SYTL2: variants seen among roughly 807,000 people sequenced by gnomAD.
SYTL2 encodes synaptotagmin-like protein 2.
Under a neutral mutation model 198.7 loss-of-function variants are expected in SYTL2, and 165 were observed. The observed-to-expected ratio is 0.83, with a 90% CI of 0.73 to 0.94. The LOEUF (loss-of-function observed/expected upper bound fraction) is 0.94. Ranked by LOEUF, SYTL2 falls within the 40% of genes least tolerant of loss-of-function variation. The probability of loss-of-function intolerance (pLI) is 0.00; values close to 1 mark genes in which losing one functional copy is unlikely to be tolerated. For synonymous variants in SYTL2, 966 were observed against 917.7 expected, an observed-to-expected ratio of 1.05 and a Z score of -0.95; for missense variants, 2,835 against 2,582.8, an observed-to-expected ratio of 1.10 and a Z score of -2.12.
intron 18 of SYTL2, among the ~76,000 whole-genome samples, chr11:85,697,109 G>A (rs1468127726): frequency 6.6e-6 from 1 of 152,018 alleles, no homozygotes; most frequent in Non-Finnish European, 1.5e-5. Flanking sequence ...AGGCTGACTT[G>A]AGCCAAAAAA....
chr11:85,726,792 G>C lies in SYTL2; in HGVS notation c.2566C>G (p.Arg856Gly). ...QSEYNQAIPK[R>G]VVLDEDDQAS... is the part of the protein sequence containing the mutation. Reference sequence around the variant, plus strand: ...TGATCATCCTCATCTAAGACCACTCGTTTGGGAATGGCCTGATTATATTCA... The same window carrying C: ...TGATCATCCTCATCTAAGACCACTCCTTTGGGAATGGCCTGATTATATTCA... The change falls in exon 8 of 20, where the codon CGA becomes GGA. Residue 856 changes from arginine (R) to glycine (G), a missense_variant. Physicochemically the swap from Arg to Gly is moderately radical, Grantham distance 125. This residue lies in a region of SYTL2 where 2,645 missense variants were observed against 2,381.7 expected (regional missense o/e 1.11). Transcript: ENST00000359152. 1 of 1,536,150 alleles carries C rather than the reference G, an allele frequency of 6.5e-7. No individual in the cohort carries two copies. Among genetic ancestry groups the C allele is most frequent in the Non-Finnish European group, 8.7e-7 (1 of 1,146,860 alleles).
intron 1 of SYTL2, among the ~76,000 whole-genome samples, chr11:85,794,084 G>A (rs1170909393): frequency 6.6e-6 from 1 of 152,084 alleles, no homozygotes; most frequent in Non-Finnish European, 1.5e-5. Flanking sequence ...TGCCCAGGCT[G>A]GTCTTGAACT....
chr11:85,734,324 G>T lies in SYTL2; in HGVS notation c.1005C>A (p.Phe335Leu). ...GTGGAAGCTCATCCTTCACTGCAGAGAATCTCACATGCTTTAATGGCTCCA... is the reference window on the plus strand; with the variant it reads ...GTGGAAGCTCATCCTTCACTGCAGATAATCTCACATGCTTTAATGGCTCCA... Reference protein sequence around the residue: ...NSLEPLKHVRFSAVKDELPQS... With the variant: ...NSLEPLKHVRLSAVKDELPQS... The change falls in exon 7 of 20, where the codon TTC (phenylalanine) becomes TTA (leucine). Residue 335 changes from phenylalanine to leucine, a missense_variant. Phe to Leu is a conservative substitution (Grantham distance 22). Around this residue, in one of 3 missense-constraint regions of SYTL2, gnomAD observed 2,645 missense variants for 2,381.7 expected, o/e 1.11. Coordinates refer to ENST00000359152, the MANE Select transcript of SYTL2 (RefSeq NM_206927.4). 6.2e-7 allele frequency: 1 copy of T among 1,614,214 alleles called. No individual in the cohort carries two copies. The highest frequency in any genetic ancestry group is 8.5e-7 in the Non-Finnish European group (1 of 1,180,028).
chr11:85,845,192 T>G, the SYTL2 span, among the ~76,000 whole-genome samples: 2 of 152,188 alleles, frequency 1.3e-5, no homozygotes, highest in Non-Finnish European at 1.5e-5. Flanking sequence ...ACCCCTTTTC[T>G]GGAAAGTATC....
chr11:85,852,721 C>T, the SYTL2 span: 1 of 235,758 alleles, frequency 4.2e-6, no homozygotes, highest in Non-Finnish European at 8.3e-6. Context: ...TCACGGCTAG[C>T]TATAACCTCC....
chr11:85,696,156 G>A lies in SYTL2; in HGVS notation c.6574+27C>T, dbSNP rs746751441. 8 of 1,607,676 alleles carry A rather than the reference G, an allele frequency of 5.0e-6. No homozygotes were observed. In the Middle Eastern group the frequency reaches 6.6e-4, roughly 133 times the overall value. On this transcript the variant is annotated intron_variant, in intron 19 of 19. Transcript: ENST00000359152. ...TATCTCTAGAAAAATTTGGCTCATGGAGAATTAAAAATGTAGCAAACAGTA... is the reference window on the plus strand; with the variant it reads ...TATCTCTAGAAAAATTTGGCTCATGAAGAATTAAAAATGTAGCAAACAGTA...
At chr11:85,854,722 C>T in the SYTL2 span, 1 of 152,364 alleles carries the variant, frequency 6.6e-6, no homozygotes. Flanking sequence ...GTCCCCGTCC[C>T]CCGAACTGTG....
the SYTL2 span, among the ~76,000 whole-genome samples, chr11:85,818,885 A>T: frequency 6.6e-6 from 1 of 152,086 alleles, no homozygotes; most frequent in Non-Finnish European, 1.5e-5. Context: ...AAGATACTGA[A>T]TTTGAAGTCA....
chr11:85,700,321 CT>C (rs10607209), intron 17 of SYTL2, among the ~76,000 whole-genome samples, 193 bp downstream of exon 17: 86,921 of 137,714 alleles, frequency 0.63, 26,520 homozygotes, highest in Middle Eastern at 0.71. Flanking sequence ...TTTATGTTTT[CT>C]TTTTTTTTTT....
the SYTL2 span, chr11:85,853,959 C>T: frequency 4.6e-5 from 7 of 152,178 alleles, no homozygotes; most frequent in African/African-American, 1.4e-4. Context: ...ATTCTTCGGC[C>T]TCCACCTCCG....
intron 1 of SYTL2, among the ~76,000 whole-genome samples, chr11:85,807,905 A>C (rs1203780971): frequency 3.9e-5 from 6 of 152,276 alleles, no homozygotes; most frequent in Middle Eastern, 3.4e-3. Flanking sequence ...TGTCAAAAAC[A>C]ATCTGAGATG....
chr11:85,832,303 A>T, the SYTL2 span, among the ~76,000 whole-genome samples: 1 of 152,248 alleles, frequency 6.6e-6, no homozygotes, highest in Admixed American at 6.5e-5. Flanking sequence ...CAAGACTTTG[A>T]GACATTAAAT....
chr11:85,719,415 A>G (rs1591710501), intron 9 of SYTL2: 2 of 798,026 alleles, frequency 2.5e-6, no homozygotes, highest in African/African-American at 3.7e-5. Context: ...TTTTAACCCT[A>G]TACATTCCTG....
At chr11:85,829,467 G>T in the SYTL2 span, among the ~76,000 whole-genome samples, 2 of 152,142 alleles carry the variant, frequency 1.3e-5, no homozygotes, top group African/African-American at 4.8e-5. Flanking sequence ...GGGCACGTAG[G>T]TTGATTCCAT....
the SYTL2 span, among the ~76,000 whole-genome samples, chr11:85,818,881 C>T: frequency 1.3e-5 from 2 of 152,040 alleles, no homozygotes; most frequent in Non-Finnish European, 2.9e-5. Context: ...TTAAAAGATA[C>T]TGAATTTGAA....
chr11:85,834,947 A>G, the SYTL2 span, among the ~76,000 whole-genome samples: 1 of 151,792 alleles, frequency 6.6e-6, no homozygotes, highest in Admixed American at 6.6e-5. Flanking sequence ...TTTTGTAGAG[A>G]CTGGATGTCA....
chr11:85,850,244 T>C, the SYTL2 span, among the ~76,000 whole-genome samples: 2 of 151,114 alleles, frequency 1.3e-5, no homozygotes, highest in Non-Finnish European at 2.9e-5. Flanking sequence ...CAGGGACAAT[T>C]TGACTTCCTC....
At chr11:85,795,784 G>A (rs2092795247) in intron 1 of SYTL2, among the ~76,000 whole-genome samples, 1 of 152,050 alleles carries the variant, frequency 6.6e-6, no homozygotes. Context: ...GACTTCAGGT[G>A]AGCTGGCTCT....
intron 1 of SYTL2, among the ~76,000 whole-genome samples, chr11:85,775,602 C>A (rs973220520): frequency 3.3e-5 from 5 of 152,168 alleles, no homozygotes; most frequent in Non-Finnish European, 7.4e-5. Context: ...CCTGCCCCAG[C>A]GTCCAGAGCA....
Sources: allele counts gnomAD v4.1 joint callset (sites outside exome capture counted in the v4.1 genomes callset), GRCh38; gene constraint gnomAD v4.1.1; regional missense constraint gnomAD v4.1.1; transcripts MANE v1.5; gene names NCBI Gene and HGNC (gene_info 2026-07-23, HGNC 2026-07-21).